Variants in RAB42 observed in about 807,000 individuals in gnomAD.
RAB42 encodes the protein RAB42, member RAS oncogene family, also known as ras-related protein Rab-42.
Under a neutral mutation model 7.5 loss-of-function variants are expected in RAB42, and 4 were observed. The observed-to-expected ratio is 0.53, with a 90% CI of 0.26 to 1.22. The LOEUF (loss-of-function observed/expected upper bound fraction) is 1.22, where lower values mean the gene tolerates loss of function less well. Among genes scored for constraint, RAB42 ranks in the 50% most tolerant of loss-of-function variants. The pLI, the probability that RAB42 is intolerant of heterozygous loss-of-function variation, is 0.13. For synonymous variants in RAB42, 82 were observed against 129.0 expected, an observed-to-expected ratio of 0.64 and a Z score of 2.47; for missense variants, 208 against 281.2, an observed-to-expected ratio of 0.74 and a Z score of 1.86.
Position 28,594,143 on chromosome 1 carries a change from G to T in RAB42, c.*26G>T. Reference sequence around the variant, plus strand: ...CTCTAGGAGAGAAAGGGTTAAAGCAGTCCCAGCCTTAGCCCACCTGGTGGG... The same window carrying T: ...CTCTAGGAGAGAAAGGGTTAAAGCATTCCCAGCCTTAGCCCACCTGGTGGG... On this transcript the variant is annotated 3_prime_UTR_variant, in exon 2 of 2. Coordinates refer to ENST00000465518, the MANE Select transcript of RAB42 (RefSeq NM_001193532.3). 2 of 1,536,472 alleles carry T rather than the reference G, an allele frequency of 1.3e-6. No individual in the cohort carries two copies. The highest frequency in any genetic ancestry group is 1.8e-6 in the Non-Finnish European group (2 of 1,141,912).
downstream of RAB42, among the ~76,000 whole-genome samples, chr1:28,595,717 G>A (rs956807901): frequency 1.3e-5 from 2 of 152,092 alleles, no homozygotes; most frequent in Non-Finnish European, 2.9e-5. Context: ...GACCAGTATG[G>A]CCAACACGGC....
Position 28,592,617 on chromosome 1 carries a change from G to T in RAB42, c.106G>T (p.Ala36Ser), listed in dbSNP as rs1207308057. 4 of 1,222,066 alleles carry T rather than the reference G, an allele frequency of 3.3e-6. No homozygotes were observed. Among genetic ancestry groups the T allele is most frequent in the Non-Finnish European group, 4.1e-6 (4 of 981,700 alleles). 75.7% of individuals were successfully genotyped at this position (1,222,066 alleles called of 1,614,324 possible). ...LRSYVAGAPG[A>S]PEPEPEPEPT... ...GAGCTACGTGGCAGGCGCGCCTGGC[G>T]CCCCGGAGCCGGAGCCCGAGCCCGA... is the stretch of plus-strand genomic sequence containing the variant. The change falls in exon 1 of 2, where the codon GCC (alanine) becomes TCC (serine). Residue 36 changes from alanine (A) to serine (S), a missense_variant. Ala to Ser is a moderately conservative substitution (Grantham distance 99). Coordinates refer to ENST00000465518, the MANE Select transcript of RAB42 (RefSeq NM_001193532.3). The surrounding 1 kb of genome is among the most constrained non-coding windows in gnomAD (Gnocchi z 4.1).
chr1:28,593,353 G>A (rs530912265), intron 1 of RAB42, among the ~76,000 whole-genome samples: 1 of 152,014 alleles, frequency 6.6e-6, no homozygotes, highest in Non-Finnish European at 1.5e-5. Context: ...ACAGGCGCCC[G>A]CCACCACGCC....
chr1:28,594,274 C>T lies in RAB42; in HGVS notation c.*157C>T, dbSNP rs1310698151. The stretch of plus-strand genomic sequence containing the variant: ...TGGATTTTGGAGTCGAGGCTTTCTA[C>T]AGAAAAGAAAGTTCTGATGGCCAGG... On this transcript the variant is annotated 3_prime_UTR_variant, in exon 2 of 2. Coordinates refer to ENST00000465518, the MANE Select transcript of RAB42 (RefSeq NM_001193532.3). The T allele has an allele frequency of 4.9e-6, 4 of 809,482 alleles. No homozygotes were observed. The highest frequency in any genetic ancestry group is 7.5e-6 in the Non-Finnish European group (4 of 531,518). The allele number at this position is 809,482 out of a possible 1,614,324, so 50.1% of individuals were successfully genotyped here. A position where few individuals can be genotyped will look rare whatever the true frequency, so the allele number is the denominator to read the frequency against.
Position 28,592,423 on chromosome 1 carries a change from C to CG in RAB42, c.-83dup, listed in dbSNP as rs1282388823. ...GGGTACGGTGGCTGGGCGCGGGGAG[C>CG]GGGGGGCGGCGCCGGCGGGGCCCCG... On this transcript the variant is annotated 5_prime_UTR_variant, in exon 1 of 2. Transcript: ENST00000465518. The surrounding 1 kb of genome is among the most constrained non-coding windows in gnomAD (Gnocchi z 4.1). The CG allele has an allele frequency of 7.4e-6, 4 of 540,666 alleles. No homozygotes were observed. The highest frequency in any genetic ancestry group is 2.0e-5 in the African/African-American group (1 of 49,142). 33.5% of individuals were successfully genotyped at this position (540,666 alleles called of 1,614,324 possible). A position where few individuals can be genotyped will look rare whatever the true frequency, so the allele number is the denominator to read the frequency against.
downstream of RAB42, among the ~76,000 whole-genome samples, chr1:28,596,045 TAGA>T (rs965889428): frequency 1.2e-4 from 19 of 152,264 alleles, no homozygotes; most frequent in African/African-American, 2.9e-4. Flanking sequence ...CTAGGGTTCT[TAGA>T]AGGTTTTCAG....
Position 28,592,596 on chromosome 1 carries a change from T to TA in RAB42, c.86dup (p.Tyr29Ter). ...GGGCAAGACGTCGCTGCTGCGGAGCTACGTGGCAGGCGCGCCTGGCGCCCC... is the reference window on the plus strand; with the variant it reads ...GGGCAAGACGTCGCTGCTGCGGAGCTAACGTGGCAGGCGCGCCTGGCGCCCC... ...AVGKTSLLRS[Y>*]VAGAPGAPEP... Residue 29 changes from tyrosine (Y) to a stop codon, truncating the protein, a stop_gained and frameshift_variant, in exon 1 of 2, where the codon TAC (tyrosine) becomes TAAC (stop). Coordinates refer to ENST00000465518, the MANE Select transcript of RAB42 (RefSeq NM_001193532.3). LOFTEE classifies it high-confidence loss of function. This position sits in a 1 kb window ranked among gnomAD's most constrained non-coding sequence, Gnocchi z 4.1. 8.2e-7 allele frequency: 1 copy of TA among 1,220,034 alleles called. No homozygotes were observed. The allele number at this position is 1,220,034 out of a possible 1,614,324, so 75.6% of individuals were successfully genotyped here. A position where few individuals can be genotyped will look rare whatever the true frequency, so the allele number is the denominator to read the frequency against.
rs1214361554 is a variant in RAB42 at position 28,592,973 on chromosome 1, T to A, written c.233+229T>A. ...CAGAGACCAGGAACATCCCTGGCTTTGAGCTCTGGACTCTGGAGAGATGCT... is the reference window on the plus strand; with the variant it reads ...CAGAGACCAGGAACATCCCTGGCTTAGAGCTCTGGACTCTGGAGAGATGCT... On this transcript the variant is annotated intron_variant, in intron 1 of 1. Transcript: ENST00000465518. The surrounding 1 kb of genome is among the most constrained non-coding windows in gnomAD (Gnocchi z 4.1). Among the ~76,000 whole-genome samples, 1 of 152,128 alleles carries A rather than the reference T, an allele frequency of 6.6e-6. No individual in the cohort carries two copies. Among genetic ancestry groups the A allele is most frequent in the Non-Finnish European group, 1.5e-5 (1 of 68,012 alleles).
At chr1:28,596,292 T>C (rs980740558), downstream of RAB42, among the ~76,000 whole-genome samples, 24 of 152,218 alleles carry the variant, frequency 1.6e-4, no homozygotes, top group Non-Finnish European at 2.9e-4. Flanking sequence ...GTCACCCTGT[T>C]GTGCTATCAA....
chr1:28,592,543 G>C lies in RAB42; in HGVS notation c.32G>C (p.Arg11Pro). 1.2e-5 allele frequency: 14 copies of C among 1,213,962 alleles called. No homozygotes were observed. Among genetic ancestry groups the C allele is most frequent in the Non-Finnish European group, 1.3e-5 (13 of 976,470 alleles). The allele number at this position is 1,213,962 out of a possible 1,614,324, so 75.2% of individuals were successfully genotyped here. The change falls in exon 1 of 2, where the codon CGG becomes CCG. Residue 11 changes from arginine (R) to proline (P), a missense_variant. Transcript: ENST00000465518. This position sits in a 1 kb window ranked among gnomAD's most constrained non-coding sequence, Gnocchi z 4.1. ...GCCGAGGGCTGCCGCTACCAATTTC[G>C]GGTCGCGCTGCTGGGGGACGCGGCG... Reference protein sequence around the residue: MEAEGCRYQFRVALLGDAAVG... With the variant: MEAEGCRYQFPVALLGDAAVG...
Position 28,594,346 on chromosome 1 carries a change from C to CAGT in RAB42, c.*230_*232dup, listed in dbSNP as rs1474274527. On this transcript the variant is annotated 3_prime_UTR_variant, in exon 2 of 2. Coordinates refer to ENST00000465518, the MANE Select transcript of RAB42 (RefSeq NM_001193532.3). ...TCCTAGCATTTTTGGAGGCCAAGGA[C>CAGT]AGTGGATCACCTGAGGTCAGGGGTT... 1 of 504,874 alleles carries CAGT rather than the reference C, an allele frequency of 2.0e-6. No homozygotes were observed. The highest frequency in any genetic ancestry group is 3.6e-6 in the Non-Finnish European group (1 of 281,468). The allele number at this position is 504,874 out of a possible 1,614,324, so 31.3% of individuals were successfully genotyped here.
At chr1:28,596,365 T>C (rs997751803), downstream of RAB42, among the ~76,000 whole-genome samples, 1 of 152,242 alleles carries the variant, frequency 6.6e-6, no homozygotes, top group Non-Finnish European at 1.5e-5. Context: ...CTCACGCCTG[T>C]AATCCCAGCA....
At position 28,594,141 on chromosome 1, in the gene RAB42, C is replaced by T. The variant is rs1666387460; in HGVS notation, c.*24C>T. On this transcript the variant is annotated 3_prime_UTR_variant, in exon 2 of 2. Coordinates refer to ENST00000465518, the MANE Select transcript of RAB42 (RefSeq NM_001193532.3). The stretch of plus-strand genomic sequence containing the variant: ...GACTCTAGGAGAGAAAGGGTTAAAG[C>T]AGTCCCAGCCTTAGCCCACCTGGTG... 1 of 1,537,460 alleles carries T rather than the reference C, an allele frequency of 6.5e-7. No individual in the cohort carries two copies. Among genetic ancestry groups the T allele is most frequent in the Non-Finnish European group, 8.8e-7 (1 of 1,142,494 alleles).
downstream of RAB42, among the ~76,000 whole-genome samples, chr1:28,596,608 C>A (rs563181559): frequency 5.3e-5 from 8 of 152,216 alleles, no homozygotes; most frequent in African/African-American, 1.9e-4. Flanking sequence ...GGCGATAGAG[C>A]GAGACTCCAT....
rs568541404 is a variant in RAB42, at chr1:28,592,297, GTCA to G, written c.-210_-208del. 7.6e-3 allele frequency: 1,413 copies of G among 187,090 alleles called. 11 individuals carry two copies. The highest frequency in any genetic ancestry group is 0.011 in the Non-Finnish European group (1,009 of 91,822). 11.6% of individuals were successfully genotyped at this position (187,090 alleles called of 1,614,324 possible). On this transcript the variant is annotated 5_prime_UTR_variant, in exon 1 of 2. Coordinates refer to ENST00000465518, the MANE Select transcript of RAB42 (RefSeq NM_001193532.3). The surrounding 1 kb of genome is among the most constrained non-coding windows in gnomAD (Gnocchi z 4.1). ...AGTCCCTTTATCCTGTGAAGTAGGG[GTCA>G]TCATTAGCCCCCTTTTACAGAGGAG...
At position 28,595,263 on chromosome 1, in the gene RAB42, C is replaced by T. The variant is rs1666415084; in HGVS notation, c.*1146C>T. The T allele has an allele frequency of 6.0e-6, 1 of 167,096 alleles. No individual in the cohort carries two copies. The highest frequency in any genetic ancestry group is 1.5e-5 in the Non-Finnish European group (1 of 68,158). The allele number at this position is 167,096 out of a possible 1,614,324, so 10.4% of individuals were successfully genotyped here. A position where few individuals can be genotyped will look rare whatever the true frequency, so the allele number is the denominator to read the frequency against. ...CCTGGGGGGCCTTAAAGGACTCCCT[C>T]TTGCCCCAGCTCTGGACAACTCTGA... On this transcript the variant is annotated 3_prime_UTR_variant, in exon 2 of 2. Coordinates refer to ENST00000465518, the MANE Select transcript of RAB42 (RefSeq NM_001193532.3).
In RAB42 at chr1:28,592,614, G is replaced by A. The variant is rs1666340098; in HGVS notation, c.103G>A (p.Gly35Ser). 1 of 1,221,926 alleles carries A rather than the reference G, an allele frequency of 8.2e-7. No individual in the cohort carries two copies. Among genetic ancestry groups the A allele is most frequent in the Middle Eastern group, 3.2e-4 (1 of 3,166 alleles). The allele number at this position is 1,221,926 out of a possible 1,614,324, so 75.7% of individuals were successfully genotyped here. ...LLRSYVAGAPGAPEPEPEPEP... is the reference protein window; with the variant it reads ...LLRSYVAGAPSAPEPEPEPEP... Reference sequence around the variant, plus strand: ...GCGGAGCTACGTGGCAGGCGCGCCTGGCGCCCCGGAGCCGGAGCCCGAGCC... The same window carrying A: ...GCGGAGCTACGTGGCAGGCGCGCCTAGCGCCCCGGAGCCGGAGCCCGAGCC... Residue 35 changes from glycine to serine, a missense_variant, in exon 1 of 2, where the codon GGC (glycine) becomes AGC (serine). By Grantham distance (56) the Gly-to-Ser change is moderately conservative (BLOSUM62 0). Transcript: ENST00000465518. This position sits in a 1 kb window ranked among gnomAD's most constrained non-coding sequence, Gnocchi z 4.1.
rs756944729 is a variant in RAB42, at chr1:28,593,887, G to A, written c.427G>A (p.Glu143Lys). The A allele has an allele frequency of 1.2e-6, 2 of 1,610,060 alleles. No homozygotes were observed. The highest frequency in any genetic ancestry group is 3.4e-5 in the Admixed American group (2 of 59,320). ...LQSTRCVSAQ[E>K]AEELAASLGM... ...GAGCACCCGCTGTGTCTCAGCCCAG[G>A]AGGCCGAGGAGCTAGCTGCCTCCCT... The change falls in exon 2 of 2, where the codon GAG becomes AAG. Residue 143 changes from glutamate to lysine, a missense_variant. By Grantham distance (56) the Glu-to-Lys change is moderately conservative (BLOSUM62 1). Transcript: ENST00000465518.
At chr1:28,595,783 T>G (rs921593319), downstream of RAB42, among the ~76,000 whole-genome samples, 1 of 152,098 alleles carries the variant, frequency 6.6e-6, no homozygotes, top group Non-Finnish European at 1.5e-5. Flanking sequence ...GGCTCATGCC[T>G]GTAATCCCAG....
Sources: allele counts gnomAD v4.1 joint callset (sites outside exome capture counted in the v4.1 genomes callset), GRCh38; gene constraint gnomAD v4.1.1; non-coding constraint Gnocchi (gnomAD v3.1); transcripts MANE v1.5; gene names NCBI Gene and HGNC (gene_info 2026-07-23, HGNC 2026-07-21).